Variants in ZNF423 observed in about 807,000 individuals in gnomAD.
The protein encoded by ZNF423 is zinc finger protein 423, also known as Ebf-associated zinc finger protein.
ZNF423 carries 12 observed loss-of-function variants against 95.8 expected under a neutral mutation model. That is an observed-to-expected ratio of 0.13 (90% CI 0.08 to 0.20). The LOEUF (loss-of-function observed/expected upper bound fraction) is 0.20. Among genes scored for constraint, ZNF423 ranks in the 10% least tolerant of loss-of-function variants. ZNF423 has a pLI of 1.00. For synonymous variants in ZNF423, 749 were observed against 711.9 expected, an observed-to-expected ratio of 1.05 and a Z score of -0.83; for missense variants, 1,316 against 1,737.1, an observed-to-expected ratio of 0.76 and a Z score of 4.31.
At chr16:49,750,388 C>T (rs1350927624) in intron 2 of ZNF423, among the ~76,000 whole-genome samples, 1 of 152,184 alleles carries the variant, frequency 6.6e-6, no homozygotes, top group Non-Finnish European at 1.5e-5. Context: ...CCTGGGGGAT[C>T]CCAGGTGGGG....
chr16:49,497,161 A>G (rs13336926), intron 7 of ZNF423, among the ~76,000 whole-genome samples: 37,946 of 152,092 alleles, frequency 0.25, 4,829 homozygotes, highest in Middle Eastern at 0.32. Flanking sequence ...GAGACTCCAC[A>G]GGGGATGGAA....
chr16:49,590,369 A>G (rs963229346), intron 5 of ZNF423, among the ~76,000 whole-genome samples: 2 of 152,030 alleles, frequency 1.3e-5, no homozygotes, highest in Non-Finnish European at 2.9e-5. Flanking sequence ...CACCCAAGCC[A>G]CAGCACTCAC....
At chr16:49,506,225 C>A (rs182493558) in intron 7 of ZNF423, among the ~76,000 whole-genome samples, 1 of 151,988 alleles carries the variant, frequency 6.6e-6, no homozygotes, top group Non-Finnish European at 1.5e-5. Context: ...GGTGAAAGAA[C>A]GTGTAGCTGG....
chr16:49,815,925 T>C (rs1237026617), intron 1 of ZNF423, among the ~76,000 whole-genome samples: 22 of 91,612 alleles, frequency 2.4e-4, no homozygotes, highest in Middle Eastern at 4.5e-3. Context: ...TTTTTTTTTT[T>C]TTTTTTTTTT....
intron 7 of ZNF423, among the ~76,000 whole-genome samples, chr16:49,521,435 G>A (rs1370100510): frequency 6.6e-6 from 1 of 152,208 alleles, no homozygotes; most frequent in South Asian, 2.1e-4. Flanking sequence ...CGGCTGCATG[G>A]ACTGCACTTG....
In ZNF423 at chr16:49,635,514, G is replaced by C. The variant is rs1426766025; in HGVS notation, c.3516+146C>G. 1 of 977,154 alleles carries C rather than the reference G, an allele frequency of 1.0e-6. No individual in the cohort carries two copies. Among genetic ancestry groups the C allele is most frequent in the East Asian group, 2.9e-5 (1 of 34,252 alleles). The allele number at this position is 977,154 out of a possible 1,614,324, so 60.5% of individuals were successfully genotyped here. Reference sequence around the variant, plus strand: ...GGCAGTGCTGAGGTTCAAACTCAAGGAGTCTACAGCACAGCAGTTCTGTTT... The same window carrying C: ...GGCAGTGCTGAGGTTCAAACTCAAGCAGTCTACAGCACAGCAGTTCTGTTT... On this transcript the variant is annotated intron_variant, in intron 4 of 7. Transcript: ENST00000563137. This position sits in a 1 kb window ranked among gnomAD's most constrained non-coding sequence, Gnocchi z 4.8.
chr16:49,838,071 G>A (rs1258871715), intron 1 of ZNF423, among the ~76,000 whole-genome samples: 1 of 152,232 alleles, frequency 6.6e-6, no homozygotes. Flanking sequence ...AATGAATGAA[G>A]TCAAGAAGGA....
intron 1 of ZNF423, among the ~76,000 whole-genome samples, chr16:49,848,099 G>A (rs1195366725): frequency 5.9e-5 from 9 of 151,876 alleles, no homozygotes; most frequent in African/African-American, 1.7e-4. Flanking sequence ...GCAAGATCCT[G>A]TCTGTAAAAA....
At chr16:49,580,370 T>A (rs1159519349) in intron 5 of ZNF423, among the ~76,000 whole-genome samples, 1 of 152,236 alleles carries the variant, frequency 6.6e-6, no homozygotes, top group Non-Finnish European at 1.5e-5. Flanking sequence ...TTTGTAATTA[T>A]GTATTTACTT....
chr16:49,801,934 A>C (rs568363391), intron 1 of ZNF423, among the ~76,000 whole-genome samples: 1 of 152,180 alleles, frequency 6.6e-6, no homozygotes, highest in South Asian at 2.1e-4. Context: ...CTGCAGCCTC[A>C]AACTCCTGGG....
At position 49,492,703 on chromosome 16, in the gene ZNF423, G is replaced by A. The variant is rs1396905249; in HGVS notation, c.3850-1399C>T. 6.6e-6 allele frequency among the ~76,000 whole-genome samples: 1 copy of A among 152,186 alleles called. No homozygotes were observed. The highest frequency in any genetic ancestry group is 2.4e-5 in the African/African-American group (1 of 41,450). On this transcript the variant is annotated intron_variant, in intron 7 of 7. Transcript: ENST00000563137. The surrounding 1 kb of genome is among the most constrained non-coding windows in gnomAD (Gnocchi z 4.2). Reference sequence around the variant, plus strand: ...TCGTGCTCATGCGGGCGGAGCAGGCGCACGGCCGGGGCTTGGTGGGCATGC... The same window carrying A: ...TCGTGCTCATGCGGGCGGAGCAGGCACACGGCCGGGGCTTGGTGGGCATGC...
chr16:49,794,594 A>G (rs2034470266), intron 1 of ZNF423, among the ~76,000 whole-genome samples: 1 of 152,210 alleles, frequency 6.6e-6, no homozygotes, highest in African/African-American at 2.4e-5. Context: ...TGTGAGATGC[A>G]GAAAGGCTCT....
chr16:49,628,189 T>A (rs895598626), intron 4 of ZNF423, among the ~76,000 whole-genome samples: 2 of 149,178 alleles, frequency 1.3e-5, no homozygotes, highest in Non-Finnish European at 3.0e-5. Context: ...CATCCACCCA[T>A]CCATCCATCC....
At chr16:49,670,681 CT>C (rs2030765474) in intron 3 of ZNF423, among the ~76,000 whole-genome samples, 1 of 152,238 alleles carries the variant, frequency 6.6e-6, no homozygotes, top group African/African-American at 2.4e-5. Flanking sequence ...CCGGCTCCCC[CT>C]GCCCCATAAG....
intron 5 of ZNF423, among the ~76,000 whole-genome samples, chr16:49,613,778 C>T (rs903919411): frequency 6.6e-6 from 1 of 151,988 alleles, no homozygotes; most frequent in Non-Finnish European, 1.5e-5. Flanking sequence ...ACTGGACATT[C>T]ATAGGCAAAA....
intron 5 of ZNF423, among the ~76,000 whole-genome samples, chr16:49,554,098 G>T (rs575245362): frequency 6.6e-6 from 1 of 152,160 alleles, no homozygotes; most frequent in Non-Finnish European, 1.5e-5. Flanking sequence ...GCACTGGGCA[G>T]ACTTAGAACA....
intron 1 of ZNF423, chr16:49,822,795 T>C: frequency 7.1e-7 from 1 of 1,408,932 alleles, no homozygotes; most frequent in Non-Finnish European, 9.7e-7. Context: ...TGCAATCTCC[T>C]GGTGAAATAA....
At chr16:49,743,863 G>A (rs62029368) in intron 2 of ZNF423, among the ~76,000 whole-genome samples, 2,551 of 152,280 alleles carry the variant, frequency 0.017, 35 homozygotes, top group Non-Finnish European at 0.028. Flanking sequence ...AGCCTGGTGC[G>A]CAGCCACGTT....
chr16:49,672,232 T>A (rs2151926768), intron 3 of ZNF423, among the ~76,000 whole-genome samples: 1 of 152,122 alleles, frequency 6.6e-6, no homozygotes, highest in African/African-American at 2.4e-5. Flanking sequence ...GGCTGCCAAA[T>A]ACATTACAGA....
Sources: allele counts gnomAD v4.1 joint callset (sites outside exome capture counted in the v4.1 genomes callset), GRCh38; gene constraint gnomAD v4.1.1; non-coding constraint Gnocchi (gnomAD v3.1); transcripts MANE v1.5; gene names NCBI Gene and HGNC (gene_info 2026-07-23, HGNC 2026-07-21).